MLPH: variants seen among roughly 807,000 people sequenced by gnomAD.
MLPH encodes the protein melanophilin.
Under a neutral mutation model 72.1 loss-of-function variants are expected in MLPH, and 51 were observed. The ratio of observed to expected loss-of-function variants is 0.71; its 90% CI spans 0.56 to 0.89. The LOEUF is 0.89. MLPH is among the 40% of genes least tolerant of loss of function. MLPH has a pLI of 0.00. For synonymous variants in MLPH, 301 were observed against 310.1 expected, an observed-to-expected ratio of 0.97 and a Z score of 0.31; for missense variants, 743 against 759.9, an observed-to-expected ratio of 0.98 and a Z score of 0.26.
intron 1 of MLPH, 60 bp from the exon 2 acceptor site, chr2:237,493,343 G>T (rs1394512975): frequency 3.8e-6 from 4 of 1,057,770 alleles, no homozygotes; most frequent in South Asian, 2.5e-5. Context: ...CTTACTCTGT[G>T]ACTTGATTGG....
intron 7 of MLPH, among the ~76,000 whole-genome samples, 172 bp downstream of exon 7, chr2:237,525,977 C>T (rs964790117): frequency 1.3e-5 from 2 of 152,238 alleles, no homozygotes; most frequent in African/African-American, 2.4e-5. Flanking sequence ...GGACACCTGC[C>T]GTCCCCGGGA....
At position 237,554,289 on chromosome 2, in the gene MLPH, C is replaced by G. The variant is rs146226614; in HGVS notation, c.*697C>G. ...CTAGTGCAGAGAGCCTGCTGGGAGA[C>G]GAAGAGACAGCAGGCAGAGCTCCAG... On this transcript the variant is annotated 3_prime_UTR_variant, in exon 16 of 16. Coordinates refer to ENST00000264605, the MANE Select transcript of MLPH (RefSeq NM_024101.7). 2 of 164,624 alleles carry G rather than the reference C, an allele frequency of 1.2e-5. No individual in the cohort carries two copies. The highest frequency in any genetic ancestry group is 3.2e-4 in the East Asian group (2 of 6,296). The allele number at this position is 164,624 out of a possible 1,614,324, so 10.2% of individuals were successfully genotyped here. A position where few individuals can be genotyped will look rare whatever the true frequency, so the allele number is the denominator to read the frequency against.
intron 2 of MLPH, among the ~76,000 whole-genome samples, chr2:237,504,762 A>ACT (rs2079728838): frequency 6.6e-6 from 1 of 151,642 alleles, no homozygotes; most frequent in African/African-American, 2.4e-5. Context: ...TAATCTGAAG[A>ACT]CTCAGCTCTT....
intron 2 of MLPH, among the ~76,000 whole-genome samples, chr2:237,501,939 T>A (rs981888799): frequency 2.0e-5 from 3 of 152,232 alleles, no homozygotes; most frequent in Admixed American, 6.5e-5. Flanking sequence ...GCTTGCTGTA[T>A]CTTTTAAGTC....
chr2:237,516,104 A>G (rs993498327), intron 4 of MLPH, among the ~76,000 whole-genome samples: 1 of 152,228 alleles, frequency 6.6e-6, no homozygotes, highest in Non-Finnish European at 1.5e-5. Flanking sequence ...CACAGAGAGC[A>G]AGGGGCAGGT....
chr2:237,519,493 G>A (rs937266497), intron 5 of MLPH, among the ~76,000 whole-genome samples: 2 of 152,218 alleles, frequency 1.3e-5, no homozygotes, highest in South Asian at 2.1e-4. Flanking sequence ...TAAAGAACAA[G>A]GAACTATCAG....
intron 6 of MLPH, among the ~76,000 whole-genome samples, chr2:237,524,908 AG>A (rs1401913222): frequency 6.6e-6 from 1 of 152,058 alleles, no homozygotes; most frequent in East Asian, 1.9e-4. Context: ...CTCCAGGAGG[AG>A]GGGGAAGCAG....
chr2:237,501,982 G>T (rs766066644), intron 2 of MLPH, among the ~76,000 whole-genome samples: 2 of 152,064 alleles, frequency 1.3e-5, no homozygotes, highest in Non-Finnish European at 2.9e-5. Context: ...TTTCAGCTCT[G>T]TTTTTTTAAT....
intron 9 of MLPH, among the ~76,000 whole-genome samples, chr2:237,538,056 G>A (rs74003103): frequency 0.13 from 20,325 of 152,172 alleles, 1,528 homozygotes; most frequent in African/African-American, 0.17. Flanking sequence ...GTGTGACTTC[G>A]TCACCTGGGA....
At chr2:237,518,200 A>G in intron 4 of MLPH, 1 of 404,190 alleles carries the variant, frequency 2.5e-6, no homozygotes, top group South Asian at 2.1e-5. Flanking sequence ...GGATGGGTGG[A>G]TGAATAGATG....
intron 14 of MLPH, 77 bp from the exon 15 acceptor site, chr2:237,552,260 C>T: frequency 8.4e-7 from 1 of 1,197,036 alleles, no homozygotes; most frequent in South Asian, 1.3e-5. Flanking sequence ...TTTTAAATTT[C>T]TGAGGAGGCC....
chr2:237,489,441 A>G (rs559311960), intron 1 of MLPH, among the ~76,000 whole-genome samples: 1 of 152,252 alleles, frequency 6.6e-6, no homozygotes, highest in South Asian at 2.1e-4. Flanking sequence ...TGGCCCTTCT[A>G]GGTGGAAATG....
chr2:237,540,740 A>T, intron 10 of MLPH, 62 bp from the exon 11 acceptor site: 1 of 1,598,598 alleles, frequency 6.3e-7, no homozygotes, highest in Non-Finnish European at 8.5e-7. Flanking sequence ...GTGAGTCCCC[A>T]TCTGGGTGAA....
At position 237,505,698 on chromosome 2, in the gene MLPH, C is replaced by G. The variant is rs1201664294; in HGVS notation, c.111-4876C>G. On this transcript the variant is annotated intron_variant, in intron 2 of 15. Transcript: ENST00000264605. The surrounding 1 kb of genome is among the most constrained non-coding windows in gnomAD (Gnocchi z 4.5). ...CTCACCAATCCTGTCCAGACCCCAT[C>G]ATAGGAGCGGCCTTTCCTTCCTGTT... Among the ~76,000 whole-genome samples, 1 of 152,176 alleles carries G rather than the reference C, an allele frequency of 6.6e-6. No individual in the cohort carries two copies. Among genetic ancestry groups the G allele is most frequent in the Non-Finnish European group, 1.5e-5 (1 of 68,030 alleles).
rs2292885 is a variant in MLPH at position 237,534,764 on chromosome 2, G to T, written c.1104+117G>T. The T allele has an allele frequency of 7.0e-6, 6 of 857,976 alleles. No individual in the cohort carries two copies. In the Admixed American group the frequency reaches 1.1e-4, roughly 16 times the overall value. 53.1% of individuals were successfully genotyped at this position (857,976 alleles called of 1,614,324 possible). A position where few individuals can be genotyped will look rare whatever the true frequency, so the allele number is the denominator to read the frequency against. On this transcript the variant is annotated intron_variant, in intron 9 of 15. Transcript: ENST00000264605. ...TTCTTGAGATTTTGCTGTTTGTAAGGTTAAGTTCTGTGTGTAGTTCTCAGA... is the reference window on the plus strand; with the variant it reads ...TTCTTGAGATTTTGCTGTTTGTAAGTTTAAGTTCTGTGTGTAGTTCTCAGA...
chr2:237,492,771 C>A (rs896964091), intron 1 of MLPH, among the ~76,000 whole-genome samples: 3 of 152,236 alleles, frequency 2.0e-5, no homozygotes, highest in African/African-American at 7.2e-5. Flanking sequence ...GAACCACCCC[C>A]AAACACACAC....
chr2:237,496,122 G>A (rs1033997666), intron 2 of MLPH, among the ~76,000 whole-genome samples: 3 of 152,188 alleles, frequency 2.0e-5, no homozygotes, highest in Non-Finnish European at 2.9e-5. Context: ...CTTCTGGGTG[G>A]ATCCTTCCCA....
intron 4 of MLPH, among the ~76,000 whole-genome samples, chr2:237,513,757 C>T (rs1314709505): frequency 1.3e-5 from 2 of 152,022 alleles, no homozygotes; most frequent in Non-Finnish European, 2.9e-5. Context: ...AGCTCATTTC[C>T]GCATCCCTGG....
chr2:237,520,780 T>C (rs1188622344), intron 6 of MLPH, among the ~76,000 whole-genome samples: 1 of 152,128 alleles, frequency 6.6e-6, no homozygotes, highest in Admixed American at 6.5e-5. Flanking sequence ...GAGGCTGAAA[T>C]TTGGGTTTGC....
Sources: allele counts gnomAD v4.1 joint callset (sites outside exome capture counted in the v4.1 genomes callset), GRCh38; gene constraint gnomAD v4.1.1; non-coding constraint Gnocchi (gnomAD v3.1); transcripts MANE v1.5; gene names NCBI Gene and HGNC (gene_info 2026-07-23, HGNC 2026-07-21).